WDFY2: variants seen among roughly 807,000 people sequenced by gnomAD.
WDFY2 encodes the protein WD repeat and FYVE domain containing 2.
WDFY2 carries 36 observed loss-of-function variants against 56.4 expected under a neutral mutation model. The observed-to-expected ratio is 0.64, with a 90% confidence interval of 0.49 to 0.84. The LOEUF (loss-of-function observed/expected upper bound fraction) is 0.84, where lower values mean the gene tolerates loss of function less well. Ranked by LOEUF, WDFY2 falls within the 40% of genes least tolerant of loss-of-function variation. The pLI is 0.00. For synonymous variants in WDFY2, 176 were observed against 183.7 expected, an observed-to-expected ratio of 0.96 and a Z score of 0.34; for missense variants, 444 against 512.2, an observed-to-expected ratio of 0.87 and a Z score of 1.29.
At chr13:51,585,990 C>T (rs148377453) in intron 1 of WDFY2, 3 of 398,462 alleles carry the variant, frequency 7.5e-6, no homozygotes, top group Non-Finnish European at 1.3e-5. Flanking sequence ...ACATCATGCT[C>T]AATACAAATG....
intron 1 of WDFY2, chr13:51,593,875 T>G: frequency 6.6e-6 from 1 of 152,348 alleles, no homozygotes; most frequent in Middle Eastern, 3.4e-3. Flanking sequence ...AAACATTTAC[T>G]TTTAAGTTTA....
At chr13:51,602,176 C>G (rs893053310) in intron 1 of WDFY2, among the ~76,000 whole-genome samples, 2 of 152,204 alleles carry the variant, frequency 1.3e-5, no homozygotes, top group South Asian at 4.1e-4. Context: ...ACATTTCTAT[C>G]AACAACAGAC....
chr13:51,646,143 G>T (rs115791758), intron 1 of WDFY2, among the ~76,000 whole-genome samples: 1 of 152,054 alleles, frequency 6.6e-6, no homozygotes, highest in Non-Finnish European at 1.5e-5. Context: ...GGGTAACCCC[G>T]CCTTTTCCAG....
chr13:51,695,702 GCT>G (rs942441588), intron 3 of WDFY2, among the ~76,000 whole-genome samples: 4 of 152,222 alleles, frequency 2.6e-5, no homozygotes, highest in Admixed American at 2.0e-4. Flanking sequence ...GAGAACCACT[GCT>G]CTCTTCAAAG....
In WDFY2 at chr13:51,756,531, G is replaced by A. The variant is rs570151582; in HGVS notation, c.1064+69G>A. 756 of 1,526,818 alleles carry A rather than the reference G, an allele frequency of 5.0e-4. 1 individual carries two copies. Among genetic ancestry groups the A allele is most frequent in the Non-Finnish European group, 5.6e-4 (638 of 1,135,298 alleles). 94.6% of individuals were successfully genotyped at this position (1,526,818 alleles called of 1,614,324 possible). A position where few individuals can be genotyped will look rare whatever the true frequency, so the allele number is the denominator to read the frequency against. ...ATTTAATCTGAGCCTTGCACTCAGC[G>A]CCGCAACCATCACTCAGGTTGCTCT... On this transcript the variant is annotated intron_variant, in intron 10 of 11. Coordinates refer to ENST00000298125, the MANE Select transcript of WDFY2 (RefSeq NM_052950.4).
intron 1 of WDFY2, among the ~76,000 whole-genome samples, chr13:51,625,345 A>T (rs1296554365): frequency 6.6e-6 from 1 of 152,192 alleles, no homozygotes; most frequent in Non-Finnish European, 1.5e-5. Context: ...TTAAGAGTGC[A>T]TGTGCCCAGC....
At chr13:51,633,907 C>T (rs1360817550) in intron 1 of WDFY2, among the ~76,000 whole-genome samples, 2 of 152,108 alleles carry the variant, frequency 1.3e-5, no homozygotes, top group Non-Finnish European at 2.9e-5. Flanking sequence ...TCCCATTGGT[C>T]ATTCTGTTTA....
intron 1 of WDFY2, among the ~76,000 whole-genome samples, chr13:51,643,353 C>G (rs1955208634): frequency 6.6e-6 from 1 of 152,234 alleles, no homozygotes; most frequent in Admixed American, 6.5e-5. Context: ...CTCTGAATCA[C>G]TGCTCTTTCC....
intron 1 of WDFY2, among the ~76,000 whole-genome samples, chr13:51,639,052 A>G (rs1300572553): frequency 1.3e-5 from 2 of 152,208 alleles, no homozygotes; most frequent in African/African-American, 2.4e-5. Flanking sequence ...ATGAGTTTAC[A>G]TGTATGCTTT....
chr13:51,625,122 CCAGTTAGGAGGACATTG>C lies in WDFY2; in HGVS notation c.138-35469_138-35453del, dbSNP rs1482192236. Among the ~76,000 whole-genome samples, 6 of 152,256 alleles carry C rather than the reference CCAGTTAGGAGGACATTG, an allele frequency of 3.9e-5. No individual in the cohort carries two copies. In the East Asian group the frequency reaches 9.6e-4, roughly 24 times the overall value. ...GTGGGTGAGGCCAGAGGCTGGAGGA[CCAGTTAGGAGGACATTG>C]CAGTAGGAGACGTAAAAGTGGCTGT... On this transcript the variant is annotated intron_variant, in intron 1 of 11. Coordinates refer to ENST00000298125, the MANE Select transcript of WDFY2 (RefSeq NM_052950.4).
At position 51,765,818 on chromosome 13, in the gene WDFY2, A is replaced by G. The variant is rs994528053; in HGVS notation, c.*6049A>G. The G allele has an allele frequency of 6.6e-6, 1 of 152,212 alleles. No homozygotes were observed. The highest frequency in any genetic ancestry group is 2.4e-5 in the African/African-American group (1 of 41,448). The allele number at this position is 152,212 out of a possible 1,614,324, so 9.4% of individuals were successfully genotyped here. A position where few individuals can be genotyped will look rare whatever the true frequency, so the allele number is the denominator to read the frequency against. ...TCTTTTTAAAGATGGTAAGGGTGGA[A>G]ATTAATCATGGTACCATCTCATTAA... is the stretch of plus-strand genomic sequence containing the variant. On this transcript the variant is annotated 3_prime_UTR_variant, in exon 12 of 12. Coordinates refer to ENST00000298125, the MANE Select transcript of WDFY2 (RefSeq NM_052950.4).
intron 1 of WDFY2, among the ~76,000 whole-genome samples, chr13:51,637,479 G>A (rs567367980): frequency 1.6e-3 from 241 of 150,928 alleles, no homozygotes; most frequent in African/African-American, 5.7e-3. Flanking sequence ...TTTTGTTATT[G>A]TTTTTTTGAC....
chr13:51,644,306 C>T (rs1306768003), intron 1 of WDFY2, among the ~76,000 whole-genome samples: 2 of 152,180 alleles, frequency 1.3e-5, no homozygotes, highest in African/African-American at 4.8e-5. Flanking sequence ...TCATCTTTTC[C>T]TTCCCCCTCT....
At chr13:51,643,677 C>T (rs1955216436) in intron 1 of WDFY2, among the ~76,000 whole-genome samples, 1 of 152,110 alleles carries the variant, frequency 6.6e-6, no homozygotes, top group Admixed American at 6.5e-5. Flanking sequence ...TAACTAGGGC[C>T]CTGTCCAGCC....
chr13:51,618,938 G>T (rs1954674599), intron 1 of WDFY2, among the ~76,000 whole-genome samples: 1 of 152,226 alleles, frequency 6.6e-6, no homozygotes, highest in Non-Finnish European at 1.5e-5. Flanking sequence ...TCACAAGACT[G>T]CTGGAGCTCA....
chr13:51,709,329 A>G (rs539192222), intron 4 of WDFY2, among the ~76,000 whole-genome samples: 1 of 152,360 alleles, frequency 6.6e-6, no homozygotes, highest in African/African-American at 2.4e-5. Context: ...TTCTCTGATC[A>G]AAATGGAATT....
At chr13:51,731,207 T>G (rs1952715458) in intron 6 of WDFY2, among the ~76,000 whole-genome samples, 1 of 152,186 alleles carries the variant, frequency 6.6e-6, no homozygotes, top group Admixed American at 6.5e-5. Flanking sequence ...CCTGACTTCT[T>G]GACTCTAAAG....
chr13:51,730,680 C>T (rs889872307), intron 6 of WDFY2, among the ~76,000 whole-genome samples: 3 of 152,196 alleles, frequency 2.0e-5, no homozygotes, highest in South Asian at 2.1e-4. Context: ...CAGTTAGTGA[C>T]GGCCTCCTCA....
intron 6 of WDFY2, among the ~76,000 whole-genome samples, chr13:51,731,818 C>T (rs1952728945): frequency 6.6e-6 from 1 of 152,174 alleles, no homozygotes; most frequent in Non-Finnish European, 1.5e-5. Flanking sequence ...CAAATCCAAA[C>T]TCAGAAGCAG....
Sources: allele counts gnomAD v4.1 joint callset (sites outside exome capture counted in the v4.1 genomes callset), GRCh38; gene constraint gnomAD v4.1.1; transcripts MANE v1.5; gene names NCBI Gene and HGNC (gene_info 2026-07-23, HGNC 2026-07-21).